The following ALK variants were observed in gnomAD, a reference collection of about 807,000 sequenced individuals.
ALK encodes ALK receptor tyrosine kinase.
A neutral mutation model predicts 163.1 loss-of-function variants in ALK; 74 were observed. The ratio of observed to expected loss-of-function variants is 0.45; its 90% CI spans 0.38 to 0.55. The LOEUF (loss-of-function observed/expected upper bound fraction) is 0.55. Among genes scored for constraint, ALK ranks in the 20% least tolerant of loss-of-function variants. ALK has a pLI of 0.00. For synonymous variants in ALK, 960 were observed against 843.2 expected (o/e 1.14, Z -2.40); for missense variants, 2,063 against 2,105.3 (o/e 0.98, Z 0.39).
At chr2:29,789,954 G>T (rs1428117455) in intron 1 of ALK, among the ~76,000 whole-genome samples, 5 of 152,156 alleles carry the variant, frequency 3.3e-5, no homozygotes. Context: ...GCCCTGTAAA[G>T]TTCTAAGATT....
At position 29,225,545 on chromosome 2, in the gene ALK, G is replaced by A. The variant is rs1284585137; in HGVS notation, c.3088C>T (p.His1030Tyr). 1 of 1,600,356 alleles carries A rather than the reference G, an allele frequency of 6.2e-7. No homozygotes were observed. Among genetic ancestry groups the A allele is most frequent in the Non-Finnish European group, 8.5e-7 (1 of 1,175,096 alleles). ...GAGAGGATCAGCGAGAGTGGCAGGT[G>A]TGGCTCCGGGGTGGGTGACACTGGA... ...SCIVSPTPEP[H>Y]LPLSLILSVV... The change falls in exon 19 of 29, where the codon CAC (histidine) becomes TAC (tyrosine). Residue 1030 changes from histidine to tyrosine, a missense_variant. By Grantham distance (83) the His-to-Tyr change is moderately conservative. Transcript: ENST00000389048.
chr2:29,920,195 G>A lies in ALK; in HGVS notation c.465C>T (p.Val155=), dbSNP rs77250749. Residue 155 remains valine (V), a synonymous_variant, in exon 1 of 29, where the codon GTC becomes GTT. Transcript: ENST00000389048. ...CCACAGCCGCCTCCCCGGGGGGCCC[G>A]ACGCAACCCTCCAAGATCGCCTCCT... ...LGEEAILEGC[V]GPPGEAAVGL... 1.9e-6 allele frequency: 3 copies of A among 1,613,398 alleles called. No individual in the cohort carries two copies. Among genetic ancestry groups the A allele is most frequent in the South Asian group, 2.2e-5 (2 of 91,074 alleles).
intron 3 of ALK, among the ~76,000 whole-genome samples, chr2:29,594,128 C>T (rs958797619): frequency 4.6e-5 from 7 of 151,968 alleles, no homozygotes; most frequent in Admixed American, 3.9e-4. Flanking sequence ...AATTATCCTG[C>T]CCAAAATGTC....
intron 1 of ALK, among the ~76,000 whole-genome samples, chr2:29,857,065 A>C (rs1666159949): frequency 6.6e-6 from 1 of 152,202 alleles, no homozygotes; most frequent in South Asian, 2.1e-4. Context: ...GAGGAGGCGA[A>C]TGTGCATGTC....
intron 3 of ALK, among the ~76,000 whole-genome samples, chr2:29,627,997 T>C (rs1002841112): frequency 5.9e-5 from 9 of 152,180 alleles, no homozygotes; most frequent in East Asian, 3.9e-4. Flanking sequence ...TCTTTCAGCA[T>C]CCAGTTGAGA....
Position 29,251,250 on chromosome 2 carries a change from T to C in ALK, c.2059A>G (p.Thr687Ala), listed in dbSNP as rs1465724413. Residue 687 changes from threonine (T) to alanine (A), a missense_variant, in exon 12 of 29, where the codon ACA becomes GCA. Thr to Ala is a moderately conservative substitution (Grantham distance 58). This residue lies in a region of ALK where 987 missense variants were observed against 939.5 expected (regional missense o/e 1.05). Coordinates refer to ENST00000389048, the MANE Select transcript of ALK (RefSeq NM_004304.5). ...CCATGGGGCCCGCTGGCCCCACATG[T>C]GGTGAACAGCCAATGAACTGTGGCA... Reference protein sequence around the residue: ...FDPTVHWLFTTCGASGPHGPT... With the variant: ...FDPTVHWLFTACGASGPHGPT... 2 of 1,613,632 alleles carry C rather than the reference T, an allele frequency of 1.2e-6. No individual in the cohort carries two copies. Among genetic ancestry groups the C allele is most frequent in the Non-Finnish European group, 1.7e-6 (2 of 1,179,932 alleles).
chr2:29,882,162 G>A (rs566776827), intron 1 of ALK, among the ~76,000 whole-genome samples: 5 of 152,124 alleles, frequency 3.3e-5, no homozygotes, highest in Non-Finnish European at 7.3e-5. Context: ...TGAGAGCATC[G>A]ATGTCCCCTC....
chr2:29,209,630 A>T (rs1193216654), intron 25 of ALK, among the ~76,000 whole-genome samples, 156 bp downstream of exon 25: 2 of 152,068 alleles, frequency 1.3e-5, no homozygotes, highest in African/African-American at 4.8e-5. Context: ...TCACTAATTA[A>T]GGTTTCCCAT....
intron 1 of ALK, among the ~76,000 whole-genome samples, chr2:29,840,862 T>G (rs988779175): frequency 1.3e-5 from 2 of 152,218 alleles, no homozygotes; most frequent in African/African-American, 4.8e-5. Context: ...TTTACAGATT[T>G]AAGAAAACTG....
intron 3 of ALK, among the ~76,000 whole-genome samples, chr2:29,641,051 G>C (rs770888210): frequency 7.2e-5 from 11 of 152,150 alleles, no homozygotes; most frequent in Non-Finnish European, 1.2e-4. Context: ...GGCAGTGATG[G>C]TGAGGGGAAG....
chr2:29,532,086 T>C lies in ALK; in HGVS notation c.983A>G (p.Asp328Gly), dbSNP rs556138942. The change falls in exon 4 of 29, where the codon GAC becomes GGC. Residue 328 changes from aspartate (D) to glycine (G), a missense_variant. Coordinates refer to ENST00000389048, the MANE Select transcript of ALK (RefSeq NM_004304.5). The part of the protein sequence containing the change: ...GSFLLLNTSA[D>G]SKHTILSPWM... Reference sequence around the variant, plus strand: ...CGGACTCAGGATGGTGTGCTTGGAGTCAGCTGAGGTGTTGAGAAGGAGAAA... The same window carrying C: ...CGGACTCAGGATGGTGTGCTTGGAGCCAGCTGAGGTGTTGAGAAGGAGAAA... 5.6e-6 allele frequency: 9 copies of C among 1,612,380 alleles called. 1 individual carries two copies. The African/African-American group carries it at 1.2e-4, about 22-fold the overall frequency.
intron 3 of ALK, among the ~76,000 whole-genome samples, chr2:29,582,309 C>G (rs1231649966): frequency 6.6e-6 from 1 of 152,212 alleles, no homozygotes; most frequent in Admixed American, 6.5e-5. Flanking sequence ...CAAAATCCTA[C>G]AAGAATGGGT....
intron 11 of ALK, among the ~76,000 whole-genome samples, chr2:29,273,856 G>C (rs1294570097): frequency 1.3e-5 from 2 of 152,200 alleles, no homozygotes; most frequent in East Asian, 1.9e-4. Flanking sequence ...CACTGGGCCT[G>C]GGGGGTAGGG....
At chr2:29,769,622 G>A (rs761509298) in intron 1 of ALK, among the ~76,000 whole-genome samples, 3 of 152,178 alleles carry the variant, frequency 2.0e-5, no homozygotes, top group Non-Finnish European at 4.4e-5. Flanking sequence ...GCTGAGTACT[G>A]AGAACTATTA....
intron 4 of ALK, among the ~76,000 whole-genome samples, chr2:29,454,099 T>C (rs4233736): frequency 0.57 from 86,445 of 151,976 alleles, 24,791 homozygotes; most frequent in East Asian, 0.69. Context: ...GGCTTGCATA[T>C]GTGAGTCTCT....
intron 3 of ALK, among the ~76,000 whole-genome samples, chr2:29,654,695 T>G (rs1677130296): frequency 6.6e-6 from 1 of 152,162 alleles, no homozygotes; most frequent in South Asian, 2.1e-4. Flanking sequence ...CCAGGCATAT[T>G]GAAAGATGTT....
rs371406085 is a variant in ALK at position 29,682,467 on chromosome 2, A to G, written c.952+12383T>C. The stretch of plus-strand genomic sequence containing the variant: ...TGTTTAGAGCTTGGACATGGGAGAG[A>G]TAGCAGTGACTGCACTGAGTTCTCC... On this transcript the variant is annotated intron_variant, in intron 3 of 28. Coordinates refer to ENST00000389048, the MANE Select transcript of ALK (RefSeq NM_004304.5). Among the ~76,000 whole-genome samples the G allele has an allele frequency of 5.3e-5, 8 of 152,278 alleles. No individual in the cohort carries two copies. The East Asian group carries it at 1.4e-3, about 26-fold the overall frequency.
intron 4 of ALK, among the ~76,000 whole-genome samples, chr2:29,486,358 C>T (rs1158151915): frequency 6.6e-6 from 1 of 152,082 alleles, no homozygotes; most frequent in Non-Finnish European, 1.5e-5. Context: ...TCCTGCATTT[C>T]CAGGACCCCA....
chr2:29,204,417 G>A (rs1669261948), intron 26 of ALK, among the ~76,000 whole-genome samples: 1 of 152,150 alleles, frequency 6.6e-6, no homozygotes, highest in African/African-American at 2.4e-5. Context: ...GACCTTGACA[G>A]GTTTGAGAAT....
Sources: allele counts gnomAD v4.1 joint callset (sites outside exome capture counted in the v4.1 genomes callset), GRCh38; gene constraint gnomAD v4.1.1; regional missense constraint gnomAD v4.1.1; transcripts MANE v1.5; gene names NCBI Gene and HGNC (gene_info 2026-07-23, HGNC 2026-07-21).